Variants in GPATCH8 observed in about 807,000 individuals in gnomAD.
The protein encoded by GPATCH8 is G-patch domain containing 8.
A neutral mutation model predicts 118.3 loss-of-function variants in GPATCH8; 18 were observed. That is an observed-to-expected ratio of 0.15 (90% CI 0.11 to 0.23). The LOEUF (loss-of-function observed/expected upper bound fraction) is 0.23. Ranked by LOEUF, GPATCH8 falls within the 10% of genes least tolerant of loss-of-function variation. GPATCH8 has a pLI of 1.00. For synonymous variants in GPATCH8, 659 were observed against 684.7 expected, an observed-to-expected ratio of 0.96 and a Z score of 0.59; for missense variants, 1,631 against 1,873.8, an observed-to-expected ratio of 0.87 and a Z score of 2.39.
At chr17:44,430,670 A>T (rs2050273681) in intron 5 of GPATCH8, among the ~76,000 whole-genome samples, 1 of 151,536 alleles carries the variant, frequency 6.6e-6, no homozygotes, top group South Asian at 2.1e-4. Flanking sequence ...ATAGAGTCTC[A>T]CTCTGTCTGT....
chr17:44,396,167 G>T lies in GPATCH8; in HGVS notation c.*1401C>A, dbSNP rs1282688018. 5 of 454,226 alleles carry T rather than the reference G, an allele frequency of 1.1e-5. No individual in the cohort carries two copies. Among genetic ancestry groups the T allele is most frequent in the Non-Finnish European group, 2.2e-5 (5 of 226,772 alleles). The allele number at this position is 454,226 out of a possible 1,614,324, so 28.1% of individuals were successfully genotyped here. ...CACATTAAAAAAAAAATTGTCAGAG[G>T]GGGCTAAGTACTAGGAAGGCAAATG... On this transcript the variant is annotated 3_prime_UTR_variant, in exon 8 of 8. Coordinates refer to ENST00000591680, the MANE Select transcript of GPATCH8 (RefSeq NM_001002909.4).
At chr17:44,457,434 T>G (rs2051376700) in intron 3 of GPATCH8, among the ~76,000 whole-genome samples, 1 of 152,196 alleles carries the variant, frequency 6.6e-6, no homozygotes, top group Non-Finnish European at 1.5e-5. Context: ...TCCCAAAACT[T>G]AATACAATGT....
At chr17:44,489,057 C>T (rs568510221) in intron 1 of GPATCH8, among the ~76,000 whole-genome samples, 1 of 151,664 alleles carries the variant, frequency 6.6e-6, no homozygotes, top group Non-Finnish European at 1.5e-5. Flanking sequence ...AGACTCCCAT[C>T]TCAAAAAAAA....
In GPATCH8 at chr17:44,396,071, CCAA is replaced by C. The variant is rs2048768968; in HGVS notation, c.*1494_*1496del. On this transcript the variant is annotated 3_prime_UTR_variant, in exon 8 of 8. Transcript: ENST00000591680. ...AAATATCTGTAAATGTGCTCACCTC[CCAA>C]CAAAAGGAAGACTGTCCCAACTCAT... The C allele has an allele frequency of 2.2e-6, 1 of 454,344 alleles. No individual in the cohort carries two copies. The highest frequency in any genetic ancestry group is 4.4e-6 in the Non-Finnish European group (1 of 226,794). 28.1% of individuals were successfully genotyped at this position (454,344 alleles called of 1,614,324 possible).
At chr17:44,491,777 C>A (rs979432361) in intron 1 of GPATCH8, among the ~76,000 whole-genome samples, 3 of 151,762 alleles carry the variant, frequency 2.0e-5, no homozygotes, top group Non-Finnish European at 1.5e-5. Context: ...TTGCCTGAGT[C>A]CAAGAGGTCA....
chr17:44,450,150 A>G (rs1210003916), intron 3 of GPATCH8, among the ~76,000 whole-genome samples: 1 of 152,204 alleles, frequency 6.6e-6, no homozygotes, highest in African/African-American at 2.4e-5. Flanking sequence ...CCCAGGTGAA[A>G]TTTCAGATGA....
intron 5 of GPATCH8, among the ~76,000 whole-genome samples, chr17:44,429,297 G>C (rs2050206005): frequency 6.6e-6 from 1 of 152,136 alleles, no homozygotes; most frequent in South Asian, 2.1e-4. Flanking sequence ...CCATGAATCT[G>C]AAGCTGCAGA....
At chr17:44,478,183 C>T (rs1031382364) in intron 1 of GPATCH8, among the ~76,000 whole-genome samples, 1 of 152,220 alleles carries the variant, frequency 6.6e-6, no homozygotes, top group Non-Finnish European at 1.5e-5. Flanking sequence ...TTAATTTCTA[C>T]TGCAACACTC....
At chr17:44,456,228 C>T (rs1343759045) in intron 3 of GPATCH8, among the ~76,000 whole-genome samples, 2 of 151,294 alleles carry the variant, frequency 1.3e-5, no homozygotes, top group East Asian at 2.0e-4. Context: ...GCGATTCTCT[C>T]GCCTCAGCCT....
At chr17:44,459,768 A>C (rs981790539) in intron 3 of GPATCH8, among the ~76,000 whole-genome samples, 1 of 152,134 alleles carries the variant, frequency 6.6e-6, no homozygotes, top group Non-Finnish European at 1.5e-5. Flanking sequence ...TGGGAAATAA[A>C]CCTGAAAGTC....
chr17:44,473,973 T>G (rs547111941), intron 2 of GPATCH8, among the ~76,000 whole-genome samples: 2 of 152,332 alleles, frequency 1.3e-5, no homozygotes, highest in South Asian at 2.1e-4. Flanking sequence ...TAGTGTTTCT[T>G]AAGGGGAAGT....
intron 6 of GPATCH8, among the ~76,000 whole-genome samples, chr17:44,412,877 C>T (rs2049498751): frequency 6.6e-6 from 1 of 152,122 alleles, no homozygotes; most frequent in African/African-American, 2.4e-5. Context: ...ACATTAATGT[C>T]TGTCTCCTCT....
At chr17:44,447,191 G>A (rs1168729340) in intron 3 of GPATCH8, among the ~76,000 whole-genome samples, 1 of 148,478 alleles carries the variant, frequency 6.7e-6, no homozygotes, top group Admixed American at 6.8e-5. Flanking sequence ...GTCTCACTCT[G>A]TTGCCCAAGC....
intron 6 of GPATCH8, among the ~76,000 whole-genome samples, chr17:44,421,129 C>T (rs2049884754): frequency 6.6e-6 from 1 of 151,988 alleles, no homozygotes; most frequent in Non-Finnish European, 1.5e-5. Context: ...TGGGATTATA[C>T]TGTGTGAGCC....
At chr17:44,472,110 T>C (rs1390416953) in intron 2 of GPATCH8, among the ~76,000 whole-genome samples, 1 of 152,122 alleles carries the variant, frequency 6.6e-6, no homozygotes, top group Non-Finnish European at 1.5e-5. Flanking sequence ...AAATAATGCA[T>C]ATATTTATCT....
chr17:44,482,807 T>C (rs760961634), intron 1 of GPATCH8, among the ~76,000 whole-genome samples: 8 of 151,636 alleles, frequency 5.3e-5, no homozygotes, highest in Non-Finnish European at 1.0e-4. Context: ...CTAAAAAACA[T>C]GTACAGAGCA....
intron 3 of GPATCH8, among the ~76,000 whole-genome samples, chr17:44,461,452 G>A (rs1405960700): frequency 4.6e-5 from 7 of 151,816 alleles, no homozygotes; most frequent in Admixed American, 4.6e-4. Flanking sequence ...CCAAAGTGCT[G>A]GGATTTCAGG....
chr17:44,488,244 T>TTA (rs1968949950), intron 1 of GPATCH8, among the ~76,000 whole-genome samples: 1 of 145,064 alleles, frequency 6.9e-6, no homozygotes, highest in Admixed American at 6.9e-5. Flanking sequence ...TTTTTTTTTT[T>TTA]AAGACAGAGT....
intron 3 of GPATCH8, among the ~76,000 whole-genome samples, chr17:44,448,403 TTTAAA>T (rs2050967673): frequency 3.6e-5 from 5 of 140,554 alleles, no homozygotes; most frequent in Non-Finnish European, 7.5e-5. Flanking sequence ...ATGAAAAAAA[TTTAAA>T]AATTGGCCAG....
Sources: allele counts gnomAD v4.1 joint callset (sites outside exome capture counted in the v4.1 genomes callset), GRCh38; gene constraint gnomAD v4.1.1; transcripts MANE v1.5; gene names NCBI Gene and HGNC (gene_info 2026-07-23, HGNC 2026-07-21).